PTPRQ: variants seen among roughly 807,000 people sequenced by gnomAD.
The protein encoded by PTPRQ is phosphatidylinositol phosphatase PTPRQ.
PTPRQ carries 199 observed loss-of-function variants against 246.0 expected under a neutral mutation model. That is an observed-to-expected ratio of 0.81 (90% CI 0.72 to 0.91). The LOEUF is 0.91. Ranked by LOEUF, PTPRQ falls within the 40% of genes least tolerant of loss-of-function variation. The pLI is 0.00. For synonymous variants in PTPRQ, 869 were observed against 853.2 expected (o/e 1.02, Z -0.32); for missense variants, 2,624 against 2,528.4 (o/e 1.04, Z -0.81).
intron 35 of PTPRQ, among the ~76,000 whole-genome samples, chr12:80,640,060 G>A (rs2121193419): frequency 6.6e-6 from 1 of 150,872 alleles, no homozygotes; most frequent in South Asian, 2.1e-4. Context: ...GTGTGTGTGT[G>A]TGTGTTTAAC....
At chr12:80,457,324 T>C (rs924459208) in intron 3 of PTPRQ, among the ~76,000 whole-genome samples, 5 of 152,110 alleles carry the variant, frequency 3.3e-5, no homozygotes, top group African/African-American at 9.6e-5. Flanking sequence ...TGCTCTACCA[T>C]TTATTCCTGT....
At chr12:80,649,472 G>C in intron 36 of PTPRQ, 116 bp from the exon 37 acceptor site, 2 of 1,326,106 alleles carry the variant, frequency 1.5e-6, no homozygotes, top group Admixed American at 6.5e-5. Context: ...TGTGTTGTTT[G>C]TGATTTTGGG....
intron 39 of PTPRQ, among the ~76,000 whole-genome samples, chr12:80,662,748 G>A (rs1203593082): frequency 6.6e-6 from 1 of 151,956 alleles, no homozygotes; most frequent in Admixed American, 6.6e-5. Context: ...CATGGGTAAA[G>A]GTCATAATGA....
chr12:80,627,121 A>G (rs1390111445), intron 33 of PTPRQ, among the ~76,000 whole-genome samples: 1 of 151,976 alleles, frequency 6.6e-6, no homozygotes, highest in East Asian at 1.9e-4. Context: ...ATGCCATGAT[A>G]TATGTATACC....
intron 26 of PTPRQ, among the ~76,000 whole-genome samples, chr12:80,590,688 A>C (rs1897769353): frequency 6.6e-6 from 1 of 150,972 alleles, no homozygotes; most frequent in African/African-American, 2.4e-5. Flanking sequence ...AAAAAAAAAA[A>C]AAACTATCCA....
At chr12:80,580,584 G>A (rs971240043) in intron 25 of PTPRQ, among the ~76,000 whole-genome samples, 1 of 152,086 alleles carries the variant, frequency 6.6e-6, no homozygotes, top group Admixed American at 6.5e-5. Flanking sequence ...TATAAATGAG[G>A]GTTACTGCTG....
chr12:80,536,311 A>G (rs372398882), intron 19 of PTPRQ, among the ~76,000 whole-genome samples: 1 of 152,342 alleles, frequency 6.6e-6, no homozygotes, highest in African/African-American at 2.4e-5. Flanking sequence ...AAGTTTAGTC[A>G]CTAGTTAGCT....
intron 14 of PTPRQ, among the ~76,000 whole-genome samples, chr12:80,505,769 AT>A (rs1894936801): frequency 6.6e-6 from 1 of 151,936 alleles, no homozygotes; most frequent in Non-Finnish European, 1.5e-5. Context: ...AGTTCCAAGT[AT>A]TTTAGTAAAC....
chr12:80,579,244 T>C (rs538510600), intron 25 of PTPRQ, among the ~76,000 whole-genome samples: 1 of 152,334 alleles, frequency 6.6e-6, no homozygotes, highest in South Asian at 2.1e-4. Context: ...GTTGTTTCTC[T>C]GTCACCTACT....
At chr12:80,508,969 T>C (rs1270249043) in intron 16 of PTPRQ, among the ~76,000 whole-genome samples, 1 of 152,034 alleles carries the variant, frequency 6.6e-6, no homozygotes, top group East Asian at 1.9e-4. Flanking sequence ...GAAGTCCTTT[T>C]TGTAAACAAT....
intron 28 of PTPRQ, among the ~76,000 whole-genome samples, chr12:80,612,547 G>A (rs1898592657): frequency 6.6e-6 from 1 of 150,434 alleles, no homozygotes; most frequent in South Asian, 2.1e-4. Context: ...GCTGGCAAGG[G>A]ATGCAGAAAG....
At chr12:80,611,381 AT>A (rs1428625780) in intron 28 of PTPRQ, among the ~76,000 whole-genome samples, 2 of 150,136 alleles carry the variant, frequency 1.3e-5, no homozygotes, top group Admixed American at 6.7e-5. Flanking sequence ...AGGAAGTAAA[AT>A]TTTTTTACAG....
At chr12:80,500,296 A>G (rs1411356534) in intron 14 of PTPRQ, among the ~76,000 whole-genome samples, 1 of 151,988 alleles carries the variant, frequency 6.6e-6, no homozygotes, top group Non-Finnish European at 1.5e-5. Context: ...AAATATTTCT[A>G]TAATTCGGGG....
intron 33 of PTPRQ, among the ~76,000 whole-genome samples, chr12:80,625,591 A>C (rs1299695742): frequency 1.3e-5 from 2 of 152,136 alleles, no homozygotes; most frequent in East Asian, 3.9e-4. Context: ...GATAATCTTA[A>C]AAATGTTTAA....
intron 17 of PTPRQ, among the ~76,000 whole-genome samples, chr12:80,530,414 G>T (rs1158544901): frequency 1.3e-5 from 2 of 152,104 alleles, no homozygotes; most frequent in South Asian, 2.1e-4. Context: ...CAAAGTAGAT[G>T]CTAATTACAT....
chr12:80,514,549 A>C (rs1002768338), intron 17 of PTPRQ, among the ~76,000 whole-genome samples: 1 of 145,058 alleles, frequency 6.9e-6, no homozygotes, highest in Non-Finnish European at 1.5e-5. Context: ...CTGTATATAT[A>C]TATATATAAA....
chr12:80,495,712 T>C (rs1386429126), intron 12 of PTPRQ, among the ~76,000 whole-genome samples: 1 of 152,024 alleles, frequency 6.6e-6, no homozygotes, highest in Non-Finnish European at 1.5e-5. Flanking sequence ...GCTGAAGTAA[T>C]TCAGCTGACA....
chr12:80,619,962 A>G (rs1374856324), intron 31 of PTPRQ, among the ~76,000 whole-genome samples, 192 bp from the exon 32 acceptor site: 1 of 151,616 alleles, frequency 6.6e-6, no homozygotes. Flanking sequence ...CCTTTATAAC[A>G]GTTCCTGTAG....
intron 29 of PTPRQ, 73 bp from the exon 30 acceptor site, chr12:80,616,127 G>C: frequency 1.0e-6 from 1 of 964,534 alleles, no homozygotes. Flanking sequence ...ATAGATACAT[G>C]CATATATATA....
Sources: allele counts gnomAD v4.1 joint callset (sites outside exome capture counted in the v4.1 genomes callset), GRCh38; gene constraint gnomAD v4.1.1; transcripts MANE v1.5; gene names NCBI Gene and HGNC (gene_info 2026-07-23, HGNC 2026-07-21).